DNAH2: variants seen among roughly 807,000 people sequenced by gnomAD.
DNAH2 encodes dynein axonemal heavy chain 2.
In DNAH2, 323 loss-of-function variants were observed where a neutral mutation model predicts 523.5. The observed-to-expected ratio is 0.62, with a 90% CI of 0.56 to 0.68. The LOEUF (loss-of-function observed/expected upper bound fraction) is 0.68, where lower values mean the gene tolerates loss of function less well. Among genes scored for constraint, DNAH2 ranks in the 30% least tolerant of loss-of-function variants. The pLI is 0.00. For synonymous variants in DNAH2, 2,093 were observed against 2,177.4 expected (o/e 0.96, Z 1.08); for missense variants, 4,907 against 5,701.5 (o/e 0.86, Z 4.49).
chr17:7,798,066 G>A lies in DNAH2; in HGVS notation c.8231-91G>A, dbSNP rs1208252604. 2 of 1,487,030 alleles carry A rather than the reference G, an allele frequency of 1.3e-6. No homozygotes were observed. The highest frequency in any genetic ancestry group is 9.0e-7 in the Non-Finnish European group (1 of 1,116,974). 92.1% of individuals were successfully genotyped at this position (1,487,030 alleles called of 1,614,324 possible). On this transcript the variant is annotated intron_variant, in intron 53 of 85. Transcript: ENST00000572933. The surrounding 1 kb of genome is among the most constrained non-coding windows in gnomAD (Gnocchi z 5.5). ...CATACCTCTTGGTTCCTCTGCTTCA[G>A]TTTCAGGGGCCCCAATCCCTAGCCT...
chr17:7,742,876 C>G, intron 11 of DNAH2, 52 bp from the exon 12 acceptor site: 1 of 1,246,868 alleles, frequency 8.0e-7, no homozygotes, highest in Non-Finnish European at 1.0e-6. Context: ...GATGGTGGCC[C>G]CTGGAGGAAG....
At position 7,831,869 on chromosome 17, in the gene DNAH2, A is replaced by G. The variant is rs2078186079; in HGVS notation, c.12726+94A>G. The G allele has an allele frequency of 1.7e-6, 2 of 1,163,842 alleles. No homozygotes were observed. The highest frequency in any genetic ancestry group is 2.4e-6 in the Non-Finnish European group (2 of 824,282). The allele number at this position is 1,163,842 out of a possible 1,614,324, so 72.1% of individuals were successfully genotyped here. ...TCCTGGTTCTAGGTGGGCATAAAGC[A>G]AACTGCAGAGAGCCGAAACTTTGAA... On this transcript the variant is annotated intron_variant, in intron 82 of 85. Coordinates refer to ENST00000572933, the MANE Select transcript of DNAH2 (RefSeq NM_020877.5). The surrounding 1 kb of genome is among the most constrained non-coding windows in gnomAD (Gnocchi z 4.2).
intron 2 of DNAH2, among the ~76,000 whole-genome samples, chr17:7,721,219 G>A (rs2074595928): frequency 6.6e-6 from 1 of 151,718 alleles, no homozygotes; most frequent in Non-Finnish European, 1.5e-5. Context: ...AGTTGCCAAG[G>A]CTAGAGTGCA....
rs1159338818 is a variant in DNAH2 at position 7,832,426 on chromosome 17, C to T, written c.12727-153C>T. Among the ~76,000 whole-genome samples, 1 of 152,144 alleles carries T rather than the reference C, an allele frequency of 6.6e-6. No individual in the cohort carries two copies. Among genetic ancestry groups the T allele is most frequent in the Non-Finnish European group, 1.5e-5 (1 of 68,032 alleles). On this transcript the variant is annotated intron_variant, in intron 82 of 85. Transcript: ENST00000572933. This position sits in a 1 kb window ranked among gnomAD's most constrained non-coding sequence, Gnocchi z 4.3. Reference sequence around the variant, plus strand: ...TTGGGAGGCTGAGGCAGGAGAATAGCTTAACTTGGGAGGTGGAGGTTGCAG... The same window carrying T: ...TTGGGAGGCTGAGGCAGGAGAATAGTTTAACTTGGGAGGTGGAGGTTGCAG...
In DNAH2 at chr17:7,760,842, G is replaced by A. The variant is rs769115507; in HGVS notation, c.2888G>A (p.Arg963Gln). ...QNYLKTWDMYREIWEINKDSF... is the reference protein window; with the variant it reads ...QNYLKTWDMYQEIWEINKDSF... The stretch of plus-strand genomic sequence containing the variant: ...TACCTCAAGACCTGGGACATGTACC[G>A]GGAGATCTGGGAGATCAACAAGGAC... The change falls in exon 18 of 86, where the codon CGG becomes CAG. Residue 963 changes from arginine to glutamine, a missense_variant. By Grantham distance (43) the Arg-to-Gln change is conservative. This residue lies in a region of DNAH2 where 2,806 missense variants were observed against 3,190.8 expected (regional missense o/e 0.88). Transcript: ENST00000572933. This position sits in a 1 kb window ranked among gnomAD's most constrained non-coding sequence, Gnocchi z 4.0. 2.6e-5 allele frequency: 42 copies of A among 1,614,052 alleles called. No homozygotes were observed. The highest frequency in any genetic ancestry group is 4.5e-5 in the East Asian group (2 of 44,892).
intron 42 of DNAH2, 69 bp downstream of exon 42, chr17:7,787,102 G>T: frequency 6.4e-7 from 1 of 1,573,830 alleles, no homozygotes; most frequent in Non-Finnish European, 8.6e-7. Flanking sequence ...CGGGGCTGGG[G>T]AGGAGAGCCA....
intron 3 of DNAH2, 115 bp downstream of exon 3, chr17:7,723,804 C>A: frequency 2.2e-6 from 2 of 922,016 alleles, no homozygotes; most frequent in South Asian, 1.4e-5. Flanking sequence ...CTTCTACTTG[C>A]TCTCTGCTGT....
Position 7,780,537 on chromosome 17 carries a change from TG to T in DNAH2, c.5851-90del. ...AGTGCCTCCTAGCTGCTTCATGTCC[TG>T]GGACCTGGCTTCTTGTCTCTGACTG... On this transcript the variant is annotated intron_variant, in intron 37 of 85. Transcript: ENST00000572933. This position sits in a 1 kb window ranked among gnomAD's most constrained non-coding sequence, Gnocchi z 4.4. 1 of 1,558,120 alleles carries T rather than the reference TG, an allele frequency of 6.4e-7. No homozygotes were observed. The highest frequency in any genetic ancestry group is 8.7e-7 in the Non-Finnish European group (1 of 1,147,284).
chr17:7,778,003 ACT>A, intron 33 of DNAH2, 72 bp from the exon 34 acceptor site: 1 of 1,353,766 alleles, frequency 7.4e-7, no homozygotes, highest in Non-Finnish European at 1.1e-6. Context: ...TCTGAGCCCC[ACT>A]CTCAGTCATT....
chr17:7,798,377 C>T lies in DNAH2; in HGVS notation c.8398+53C>T. ...AATAAAAGATCAGATGCATACATTC[C>T]TGCAGTGACAAGAGAGGAGAGATGG... On this transcript the variant is annotated intron_variant, in intron 54 of 85. Coordinates refer to ENST00000572933, the MANE Select transcript of DNAH2 (RefSeq NM_020877.5). This position sits in a 1 kb window ranked among gnomAD's most constrained non-coding sequence, Gnocchi z 5.5. 1 of 1,567,918 alleles carries T rather than the reference C, an allele frequency of 6.4e-7. No individual in the cohort carries two copies. Among genetic ancestry groups the T allele is most frequent in the Non-Finnish European group, 8.7e-7 (1 of 1,155,164 alleles).
chr17:7,770,441 C>T, intron 25 of DNAH2, 33 bp downstream of exon 25: 1 of 1,611,800 alleles, frequency 6.2e-7, no homozygotes, highest in Non-Finnish European at 8.5e-7. Flanking sequence ...TCCCACACCT[C>T]CTGCGCCTCC....
chr17:7,772,380 T>C (rs2076341038), intron 28 of DNAH2, among the ~76,000 whole-genome samples: 1 of 152,236 alleles, frequency 6.6e-6, no homozygotes, highest in Admixed American at 6.5e-5. Context: ...CAACTGATAC[T>C]ATTTGAAATA....
Position 7,743,055 on chromosome 17 carries a change from T to G in DNAH2, c.1817T>G (p.Leu606Arg). 1 of 1,531,998 alleles carries G rather than the reference T, an allele frequency of 6.5e-7. No individual in the cohort carries two copies. Among genetic ancestry groups the G allele is most frequent in the Non-Finnish European group, 8.7e-7 (1 of 1,144,846 alleles). The allele number at this position is 1,531,998 out of a possible 1,614,324, so 94.9% of individuals were successfully genotyped here. A position where few individuals can be genotyped will look rare whatever the true frequency, so the allele number is the denominator to read the frequency against. Residue 606 changes from leucine to arginine, a missense_variant, in exon 12 of 86, where the codon CTG (leucine) becomes CGG (arginine). By Grantham distance (102) the Leu-to-Arg change is moderately radical (BLOSUM62 -2). Around this residue, in one of 3 missense-constraint regions of DNAH2, gnomAD observed 2,806 missense variants for 3,190.8 expected, o/e 0.88. Coordinates refer to ENST00000572933, the MANE Select transcript of DNAH2 (RefSeq NM_020877.5). ...RKTFQEWTSS[L>R]DKDCIRRLDT... ...ACCTTCCAAGAGTGGACATCAAGTC[T>G]GGACAAGGATTGCATTCGGCGGTTG...
rs199506569 is a variant in DNAH2 at position 7,830,740 on chromosome 17, T to G, written c.12128T>G (p.Ile4043Ser). Residue 4043 changes from isoleucine to serine, a missense_variant, in exon 79 of 86, where the codon ATC (isoleucine) becomes AGC (serine). Physicochemically the swap from Ile to Ser is moderately radical, Grantham distance 142 (BLOSUM62 -2). Around this residue, in one of 3 missense-constraint regions of DNAH2, gnomAD observed 1,851 missense variants for 2,139.4 expected, o/e 0.87. Transcript: ENST00000572933. Reference protein sequence around the residue: ...WDALKYLIAGINYGGHVTDDW... With the variant: ...WDALKYLIAGSNYGGHVTDDW... ...GCACTTAAGTACCTCATTGCCGGCA[T>G]CAACTATGGTGGACATGTCACAGAT... is the stretch of plus-strand genomic sequence containing the variant. 247 of 1,614,158 alleles carry G rather than the reference T, an allele frequency of 1.5e-4. No individual in the cohort carries two copies. The highest frequency in any genetic ancestry group is 1.7e-4 in the Admixed American group (10 of 60,014).
chr17:7,772,557 C>G (rs978721595), intron 28 of DNAH2, among the ~76,000 whole-genome samples: 4 of 152,190 alleles, frequency 2.6e-5, no homozygotes, highest in African/African-American at 9.7e-5. Context: ...CCTGTAGACC[C>G]TGTGCTTGAA....
At position 7,798,569 on chromosome 17, in the gene DNAH2, C is replaced by G. The variant is rs773329627; in HGVS notation, c.8410C>G (p.Leu2804Val). Residue 2804 changes from leucine (L) to valine (V), a missense_variant, in exon 55 of 86, where the codon CTG becomes GTG. By Grantham distance (32) the Leu-to-Val change is conservative. Around this residue, in one of 3 missense-constraint regions of DNAH2, gnomAD observed 1,851 missense variants for 2,139.4 expected, o/e 0.87. Coordinates refer to ENST00000572933, the MANE Select transcript of DNAH2 (RefSeq NM_020877.5). The surrounding 1 kb of genome is among the most constrained non-coding windows in gnomAD (Gnocchi z 5.5). ...KQEFRDDIKR[L>V]YRQAGVELKT... is the part of the protein sequence containing the mutation. ...CCTCCCCCGGCCAGATATCAAGCGT[C>G]TGTATCGCCAGGCTGGGGTGGAGCT... 6.2e-7 allele frequency: 1 copy of G among 1,614,078 alleles called. No individual in the cohort carries two copies. Among genetic ancestry groups the G allele is most frequent in the Non-Finnish European group, 8.5e-7 (1 of 1,180,024 alleles).
intron 29 of DNAH2, 86 bp downstream of exon 29, chr17:7,775,062 C>CTTTTGGGAGGGCAGGGT: frequency 7.2e-7 from 1 of 1,384,062 alleles, no homozygotes; most frequent in Non-Finnish European, 1.0e-6. Flanking sequence ...CCCTGCCCTC[C>CTTTTGGGAGGGCAGGGT]CAAAAGGAGG....
chr17:7,792,528 C>T (rs1032286227), intron 46 of DNAH2, 129 bp from the exon 47 acceptor site: 37 of 977,036 alleles, frequency 3.8e-5, no homozygotes, highest in Non-Finnish European at 4.2e-5. Flanking sequence ...CTGAGGGGAG[C>T]ACATGATCCC....
intron 2 of DNAH2, among the ~76,000 whole-genome samples, chr17:7,723,300 T>A (rs2074689484): frequency 1.1e-5 from 1 of 95,206 alleles, no homozygotes; most frequent in Admixed American, 1.5e-4. Context: ...TGAGACAGGG[T>A]CTCACTCTGT....
Sources: gnomAD v4.1 joint callset for allele counts (sites outside exome capture counted in the v4.1 genomes callset) on GRCh38, gnomAD v4.1.1 for gene constraint, gnomAD v4.1.1 regional missense constraint, Gnocchi (gnomAD v3.1) non-coding constraint, MANE v1.5 for transcripts, NCBI Gene and HGNC (gene_info 2026-07-23, HGNC 2026-07-21) for gene names.